Variants in NID1 observed in about 807,000 individuals in gnomAD.
The protein encoded by NID1 is nidogen-1.
Under a neutral mutation model 130.6 loss-of-function variants are expected in NID1, and 76 were observed. The observed-to-expected ratio is 0.58, with a 90% CI of 0.48 to 0.70. The LOEUF (loss-of-function observed/expected upper bound fraction) is 0.70, where lower values mean the gene tolerates loss of function less well. Ranked by LOEUF, NID1 falls within the 30% of genes least tolerant of loss-of-function variation. NID1 has a pLI of 0.00. For missense variants in NID1, 1,517 were observed against 1,664.8 expected (o/e 0.91, Z 1.54); for synonymous variants, 665 against 675.1 (o/e 0.98, Z 0.23).
chr1:236,015,076 C>T (rs1658549788), intron 10 of NID1, among the ~76,000 whole-genome samples: 1 of 152,212 alleles, frequency 6.6e-6, no homozygotes, highest in African/African-American at 2.4e-5. Flanking sequence ...TGCCTGAGCC[C>T]CCAGCCCCTC....
chr1:235,989,069 C>CTTTTTTTTT (rs768952072), intron 14 of NID1, among the ~76,000 whole-genome samples: 1 of 115,804 alleles, frequency 8.6e-6, no homozygotes. Flanking sequence ...AAATTATCTG[C>CTTTTTTTTT]TTTTTTTTTT....
chr1:235,988,068 C>G (rs1032020217), intron 14 of NID1, among the ~76,000 whole-genome samples: 3 of 152,176 alleles, frequency 2.0e-5, no homozygotes, highest in Non-Finnish European at 2.9e-5. Context: ...TTAAAAATGT[C>G]TGTGCATCAT....
At chr1:236,055,641 T>C (rs1054965311) in intron 1 of NID1, among the ~76,000 whole-genome samples, 2 of 150,216 alleles carry the variant, frequency 1.3e-5, no homozygotes, top group African/African-American at 4.9e-5. Context: ...GGTAACAGAG[T>C]GAGACTCCAT....
intron 5 of NID1, among the ~76,000 whole-genome samples, chr1:236,037,588 A>G (rs1180596676): frequency 1.3e-5 from 2 of 151,904 alleles, no homozygotes; most frequent in Non-Finnish European, 1.5e-5. Flanking sequence ...AACCTGGGAG[A>G]TGAAAGCTGC....
intron 4 of NID1, 115 bp from the exon 5 acceptor site, chr1:236,038,368 T>A: frequency 9.1e-7 from 1 of 1,097,150 alleles, no homozygotes; most frequent in Non-Finnish European, 1.3e-6. Flanking sequence ...CATGGGCAAT[T>A]CAAGGGACCA....
rs1657719834 is a variant in NID1, at chr1:235,990,999, G to T, written c.2815C>A (p.Pro939Thr). The change falls in exon 14 of 20, where the codon CCC becomes ACC. Residue 939 changes from proline (P) to threonine (T), a missense_variant. Pro to Thr is a conservative substitution (Grantham distance 38, BLOSUM62 -1). Coordinates refer to ENST00000264187, the MANE Select transcript of NID1 (RefSeq NM_002508.3). ...QGPAVPTAVI[P>T]LPPGTHLLFA... is the part of the protein sequence containing the mutation. ...AGTAAATGGGTCCCAGGAGGCAAGG[G>T]GATCACGGCGGTAGGCACCGCAGGT... 6.2e-7 allele frequency: 1 copy of T among 1,613,586 alleles called. No homozygotes were observed. The highest frequency in any genetic ancestry group is 2.2e-5 in the East Asian group (1 of 44,884).
chr1:235,996,079 A>G (rs1408517956), intron 12 of NID1, among the ~76,000 whole-genome samples: 1 of 152,208 alleles, frequency 6.6e-6, no homozygotes, highest in Admixed American at 6.5e-5. Flanking sequence ...TCTAGAGCCC[A>G]GGAGTTTGAG....
chr1:236,032,540 G>A lies in NID1; in HGVS notation c.1398C>T (p.His466=), dbSNP rs753262816. 8.1e-6 allele frequency: 13 copies of A among 1,614,038 alleles called. No individual in the cohort carries two copies. The highest frequency in any genetic ancestry group is 3.3e-4 in the Middle Eastern group (2 of 6,082). ...TGCTGATGGCTGTGTAGGAGCGCCC[G>A]TGGTTCATTACTACGTAAGAGTGGA... ...TDLHSYVVMN[H]GRSYTAISTI... is the part of the protein sequence containing the mutation. Residue 466 remains histidine, a synonymous_variant, in exon 6 of 20, where the codon CAC becomes CAT. Transcript: ENST00000264187.
chr1:236,032,607 A>G lies in NID1; in HGVS notation c.1331T>C (p.Val444Ala). 3.1e-6 allele frequency: 5 copies of G among 1,614,200 alleles called. No homozygotes were observed. In the South Asian group the frequency reaches 5.5e-5, roughly 18 times the overall value. Residue 444 changes from valine to alanine, a missense_variant, in exon 6 of 20, where the codon GTG (valine) becomes GCG (alanine). Transcript: ENST00000264187. ...GACAATGGGGACCTGGCTGCTCCCC[A>G]CAAAGATCCTTCCTTTCACCTTGCC... Reference protein sequence around the residue: ...VNGKVKGRIFVGSSQVPIVFE... With the variant: ...VNGKVKGRIFAGSSQVPIVFE...
chr1:236,041,619 C>T (rs776015855), intron 4 of NID1, among the ~76,000 whole-genome samples: 7 of 152,082 alleles, frequency 4.6e-5, no homozygotes, highest in Non-Finnish European at 1.0e-4. Flanking sequence ...TTCTAACGGA[C>T]GTTTTCTCTT....
chr1:236,021,488 G>A (rs16833125), intron 9 of NID1, among the ~76,000 whole-genome samples: 3,084 of 152,252 alleles, frequency 0.02, 98 homozygotes, highest in African/African-American at 0.069. Flanking sequence ...AGCCAACACC[G>A]CGAGGCCCTG....
intron 9 of NID1, among the ~76,000 whole-genome samples, chr1:236,021,016 A>T (rs1159740622): frequency 6.6e-6 from 1 of 152,214 alleles, no homozygotes; most frequent in Non-Finnish European, 1.5e-5. Flanking sequence ...AGAATTAGCC[A>T]CGAGGTCACA....
chr1:236,008,287 T>C (rs1014763685), intron 12 of NID1, among the ~76,000 whole-genome samples: 6 of 152,192 alleles, frequency 3.9e-5, no homozygotes, highest in Admixed American at 1.3e-4. Context: ...TTTCTCGTAG[T>C]TTGTCTGTCA....
intron 12 of NID1, among the ~76,000 whole-genome samples, chr1:236,010,875 T>C (rs1266956916): frequency 1.3e-5 from 2 of 152,390 alleles, no homozygotes; most frequent in South Asian, 2.1e-4. Context: ...GATAGACAAC[T>C]ACTCTAAAAA....
At chr1:236,010,471 T>C (rs1041321931) in intron 12 of NID1, among the ~76,000 whole-genome samples, 2 of 152,242 alleles carry the variant, frequency 1.3e-5, no homozygotes, top group South Asian at 2.1e-4. Context: ...CTAATTTTTC[T>C]ATTTTTTGTA....
chr1:236,028,336 C>A (rs573962775), intron 7 of NID1, among the ~76,000 whole-genome samples: 5 of 152,258 alleles, frequency 3.3e-5, no homozygotes, highest in African/African-American at 7.2e-5. Context: ...CATGGCAAAA[C>A]CCCATCTGTA....
At chr1:236,009,253 A>G (rs1392473040) in intron 12 of NID1, among the ~76,000 whole-genome samples, 2 of 152,168 alleles carry the variant, frequency 1.3e-5, no homozygotes, top group Admixed American at 6.5e-5. Flanking sequence ...TGCCCTTTCT[A>G]CCATATAAGG....
At position 235,980,565 on chromosome 1, in the gene NID1, C is replaced by T. The variant is rs1339306331; in HGVS notation, c.3316G>A (p.Asp1106Asn). 1.9e-6 allele frequency: 3 copies of T among 1,614,054 alleles called. No homozygotes were observed. The East Asian group carries it at 6.7e-5, about 36-fold the overall frequency. The change falls in exon 17 of 20, where the codon GAT (aspartate) becomes AAT (asparagine). Residue 1106 changes from aspartate to asparagine, a missense_variant. Asp to Asn is a conservative substitution (Grantham distance 23). Around this residue, in one of 3 missense-constraint regions of NID1, gnomAD observed 181 missense variants for 211.3 expected, o/e 0.86. Transcript: ENST00000264187. Reference sequence around the variant, plus strand: ...AGTCCATTGGGCAAGCCCAGGTCATCCTGCACAAGGATCCTCCGGTTCGTG... The same window carrying T: ...AGTCCATTGGGCAAGCCCAGGTCATTCTGCACAAGGATCCTCCGGTTCGTG... ...DGTNRRILVQ[D>N]DLGLPNGLTF...
chr1:235,987,984 G>A (rs548371230), intron 14 of NID1, among the ~76,000 whole-genome samples: 5 of 152,060 alleles, frequency 3.3e-5, no homozygotes, highest in South Asian at 2.1e-4. Context: ...TGGATTTGGC[G>A]ACAATTTCTT....
Sources: allele counts gnomAD v4.1 joint callset (sites outside exome capture counted in the v4.1 genomes callset), GRCh38; gene constraint gnomAD v4.1.1; regional missense constraint gnomAD v4.1.1; transcripts MANE v1.5; gene names NCBI Gene and HGNC (gene_info 2026-07-23, HGNC 2026-07-21).